Variants in ERC2 observed in about 807,000 individuals in gnomAD.
The protein encoded by ERC2 is ELKS/RAB6-interacting/CAST family member 2, also known as ERC protein 2.
A neutral mutation model predicts 114.8 loss-of-function variants in ERC2; 42 were observed. That is an observed-to-expected ratio of 0.37 (90% CI 0.29 to 0.47). The LOEUF is 0.47. ERC2 is among the 20% of genes least tolerant of loss of function. The pLI is 0.99. For synonymous variants in ERC2, 454 were observed against 425.5 expected (o/e 1.07, Z -0.82); for missense variants, 939 against 1,150.7 (o/e 0.82, Z 2.66).
intron 6 of ERC2, among the ~76,000 whole-genome samples, chr3:56,099,480 G>A (rs1000019848): frequency 2.0e-5 from 3 of 152,116 alleles, no homozygotes; most frequent in South Asian, 2.1e-4. Flanking sequence ...GGAGTGATAC[G>A]TAAACCAACA....
chr3:55,713,131 T>TCTCTCTCTCTCTCTCACA (rs1553638935), intron 15 of ERC2, among the ~76,000 whole-genome samples: 1 of 139,334 alleles, frequency 7.2e-6, no homozygotes, highest in Admixed American at 7.3e-5. Context: ...TCTCTCTGTC[T>TCTCTCTCTCTCTCTCACA]CACACACACA....
At chr3:56,021,750 C>T (rs1024298487) in intron 7 of ERC2, among the ~76,000 whole-genome samples, 2 of 152,122 alleles carry the variant, frequency 1.3e-5, no homozygotes, top group African/African-American at 2.4e-5. Context: ...TGGACCCCAG[C>T]GTCTGTTGTT....
intron 14 of ERC2, among the ~76,000 whole-genome samples, chr3:55,835,822 T>A (rs938637463): frequency 1.1e-3 from 161 of 152,088 alleles, no homozygotes; most frequent in Middle Eastern, 0.01. Flanking sequence ...TGTCCCTGTT[T>A]GCAGATGACA....
intron 14 of ERC2, among the ~76,000 whole-genome samples, chr3:55,792,167 C>A (rs565442702): frequency 6.2e-4 from 95 of 152,286 alleles, no homozygotes; most frequent in African/African-American, 2.2e-3. Flanking sequence ...CATGGCTAAA[C>A]CAAGGCTAGG....
chr3:55,838,240 C>T (rs949439237), intron 14 of ERC2, among the ~76,000 whole-genome samples: 15 of 152,050 alleles, frequency 9.9e-5, no homozygotes, highest in African/African-American at 3.4e-4. Context: ...CTCCACTCAA[C>T]AACAGCAGAA....
rs3076645 is a variant in ERC2 at position 56,011,606 on chromosome 3, AACACAC to A, written c.1780-1023_1780-1018del. Among the ~76,000 whole-genome samples the A allele has an allele frequency of 3.2e-4, 47 of 148,694 alleles. 1 individual carries two copies. Among genetic ancestry groups the A allele is most frequent in the Middle Eastern group, 3.5e-3 (1 of 288 alleles). On this transcript the variant is annotated intron_variant, in intron 8 of 17. Coordinates refer to ENST00000288221, the MANE Select transcript of ERC2 (RefSeq NM_015576.3). ...GCCTGATATCAAAGTAAGAAACTTA[AACACAC>A]ACACACACACACACACACACACACA...
At chr3:55,837,674 A>C (rs2060958382) in intron 14 of ERC2, among the ~76,000 whole-genome samples, 1 of 152,098 alleles carries the variant, frequency 6.6e-6, no homozygotes, top group South Asian at 2.1e-4. Flanking sequence ...TAATGGGTAC[A>C]GCACACCAGC....
intron 3 of ERC2, among the ~76,000 whole-genome samples, chr3:56,253,724 T>C (rs2052333489): frequency 6.6e-6 from 1 of 152,130 alleles, no homozygotes; most frequent in African/African-American, 2.4e-5. Flanking sequence ...TTAAGAAGCC[T>C]CTCCCTATAT....
At chr3:55,829,638 C>A (rs1043126953) in intron 14 of ERC2, among the ~76,000 whole-genome samples, 2 of 152,278 alleles carry the variant, frequency 1.3e-5, no homozygotes, top group Non-Finnish European at 1.5e-5. Context: ...TTTCAGCTAT[C>A]AAAGTGGCTG....
chr3:55,549,976 G>C (rs1012848540), intron 17 of ERC2, among the ~76,000 whole-genome samples: 1 of 150,788 alleles, frequency 6.6e-6, no homozygotes, highest in Non-Finnish European at 1.5e-5. Context: ...GAGAGAGAGA[G>C]GGGAAATACT....
intron 1 of ERC2, among the ~76,000 whole-genome samples, chr3:56,435,479 T>A (rs2061976244): frequency 1.3e-5 from 2 of 152,296 alleles, no homozygotes; most frequent in South Asian, 4.1e-4. Flanking sequence ...CTCTAGAAAA[T>A]TCCCCATGGA....
chr3:55,646,600 G>T (rs2060409828), intron 17 of ERC2, among the ~76,000 whole-genome samples: 1 of 152,140 alleles, frequency 6.6e-6, no homozygotes, highest in Admixed American at 6.5e-5. Flanking sequence ...TATTATGTGT[G>T]CTAGACACTG....
At chr3:56,167,629 G>A (rs1436874672) in intron 4 of ERC2, among the ~76,000 whole-genome samples, 3 of 152,070 alleles carry the variant, frequency 2.0e-5, no homozygotes, top group Non-Finnish European at 2.9e-5. Context: ...ATATTGGGGG[G>A]TCCAGTTGGA....
rs3059334 is a variant in ERC2, at chr3:55,652,859, C to CA, written c.*39+30934dup. Among the ~76,000 whole-genome samples the CA allele has an allele frequency of 7.1e-3, 527 of 74,212 alleles. 4 individuals are homozygous for CA. Among genetic ancestry groups the CA allele is most frequent in the African/African-American group, 0.02 (402 of 19,672 alleles). 48.7% of individuals were successfully genotyped at this position (74,212 alleles called of 152,430 possible). On this transcript the variant is annotated intron_variant, in intron 17 of 17. Transcript: ENST00000288221. The stretch of plus-strand genomic sequence containing the variant: ...CGGGCGACAATGCAAGACTCTGTCT[C>CA]AAAAAAAAAAAAAAAAAAAAAAAAC...
intron 2 of ERC2, among the ~76,000 whole-genome samples, chr3:56,349,185 A>T (rs1000206328): frequency 3.9e-5 from 6 of 152,226 alleles, no homozygotes; most frequent in African/African-American, 1.4e-4. Context: ...GGAGTTCTAA[A>T]TGACACAAAT....
chr3:56,231,972 T>G (rs2050649849), intron 3 of ERC2, among the ~76,000 whole-genome samples: 2 of 151,952 alleles, frequency 1.3e-5, no homozygotes, highest in Non-Finnish European at 2.9e-5. Context: ...AGACATAGTT[T>G]TTTTTTTTTC....
intron 6 of ERC2, among the ~76,000 whole-genome samples, chr3:56,101,852 G>A (rs1329668389): frequency 1.3e-5 from 2 of 152,176 alleles, no homozygotes; most frequent in African/African-American, 2.4e-5. Context: ...AGGGGTTTGT[G>A]CTCAGACCTG....
intron 3 of ERC2, among the ~76,000 whole-genome samples, chr3:56,240,086 A>G (rs689919): frequency 0.012 from 1,894 of 152,378 alleles, 13 homozygotes; most frequent in Non-Finnish European, 0.019. Flanking sequence ...AGAGCAATGA[A>G]ATAAAAATGA....
intron 3 of ERC2, among the ~76,000 whole-genome samples, chr3:56,274,768 C>A (rs1003122137): frequency 5.9e-5 from 9 of 152,044 alleles, no homozygotes; most frequent in African/African-American, 2.2e-4. Context: ...TCTTGATATA[C>A]CAGGAAGAGA....
Sources: gnomAD v4.1 joint callset for allele counts (sites outside exome capture counted in the v4.1 genomes callset) on GRCh38, gnomAD v4.1.1 for gene constraint, MANE v1.5 for transcripts, NCBI Gene and HGNC (gene_info 2026-07-23, HGNC 2026-07-21) for gene names.